The following AHR variants were observed in gnomAD, a reference collection of about 807,000 sequenced individuals.
AHR encodes the protein AH-receptor.
Under a neutral mutation model 86.8 loss-of-function variants are expected in AHR, and 40 were observed. The ratio of observed to expected loss-of-function variants is 0.46; its 90% CI spans 0.36 to 0.60. The LOEUF (loss-of-function observed/expected upper bound fraction) is 0.60, where lower values mean the gene tolerates loss of function less well. AHR is among the 20% of genes least tolerant of loss of function. AHR has a pLI of 0.00. For synonymous variants in AHR, 398 were observed against 354.9 expected, an observed-to-expected ratio of 1.12 and a Z score of -1.37; for missense variants, 1,001 against 1,011.6, an observed-to-expected ratio of 0.99 and a Z score of 0.14.
intron 1 of AHR, among the ~76,000 whole-genome samples, chr7:17,308,042 C>G (rs1209620804): frequency 6.6e-6 from 1 of 152,152 alleles, no homozygotes; most frequent in African/African-American, 2.4e-5. Flanking sequence ...TCTTAGCACT[C>G]ACCGCCCTAA....
intron 6 of AHR, among the ~76,000 whole-genome samples, chr7:17,331,448 T>C (rs1005104408): frequency 6.6e-6 from 1 of 151,950 alleles, no homozygotes; most frequent in African/African-American, 2.4e-5. Context: ...AACTGTTCTT[T>C]AGGATATAGT....
At chr7:17,310,284 A>G (rs1433719066) in intron 2 of AHR, among the ~76,000 whole-genome samples, 161 bp downstream of exon 2, 2 of 152,218 alleles carry the variant, frequency 1.3e-5, no homozygotes, top group African/African-American at 4.8e-5. Flanking sequence ...TAAGTCTTAA[A>G]ATCAATTTTC....
At chr7:17,338,224 A>C (rs1367699036) in intron 9 of AHR, among the ~76,000 whole-genome samples, 2 of 151,172 alleles carry the variant, frequency 1.3e-5, no homozygotes, top group African/African-American at 4.8e-5. Context: ...AATCTATTGC[A>C]AAAATACAAA....
chr7:17,341,507 A>G (rs1782423347), intron 10 of AHR, among the ~76,000 whole-genome samples: 1 of 152,138 alleles, frequency 6.6e-6, no homozygotes, highest in Non-Finnish European at 1.5e-5. Flanking sequence ...GTAAATAACC[A>G]AATAATTCTA....
chr7:17,319,654 T>G (rs1049824178), intron 2 of AHR, among the ~76,000 whole-genome samples: 57 of 152,254 alleles, frequency 3.7e-4, no homozygotes, highest in African/African-American at 1.3e-3. Flanking sequence ...CTTGTGACAG[T>G]GTCTCATGTC....
Position 17,310,074 on chromosome 7 carries a change from A to G in AHR, c.204A>G (p.Ser68=), listed in dbSNP as rs767719360. The G allele has an allele frequency of 6.2e-7, 1 of 1,614,054 alleles. No homozygotes were observed. Among genetic ancestry groups the G allele is most frequent in the Non-Finnish European group, 8.5e-7 (1 of 1,179,956 alleles). Residue 68 remains serine, a synonymous_variant, in exon 2 of 11, where the codon TCA becomes TCG. Transcript: ENST00000242057. ...TTATTAATAAGTTGGACAAACTTTC[A>G]GTTCTTAGGCTCAGCGTCAGTTACC... The part of the protein sequence containing the change: ...QDVINKLDKL[S]VLRLSVSYLR...
intron 6 of AHR, among the ~76,000 whole-genome samples, chr7:17,333,041 T>G (rs1176925564): frequency 6.6e-6 from 1 of 152,006 alleles, no homozygotes; most frequent in Non-Finnish European, 1.5e-5. Context: ...AAGTATTCAG[T>G]ACGATAGCAT....
At position 17,339,294 on chromosome 7, in the gene AHR, T is replaced by A. The variant is rs749720773; in HGVS notation, c.1469T>A (p.Met490Lys). ...PFENNFFNES[M>K]NECRNWQDNT... is the part of the protein sequence containing the mutation. ...GAAAACAACTTTTTCAACGAATCTA[T>A]GAATGAATGCAGAAATTGGCAAGAT... The change falls in exon 10 of 11, where the codon ATG (methionine) becomes AAG (lysine). Residue 490 changes from methionine to lysine, a missense_variant. Physicochemically the swap from Met to Lys is moderately conservative, Grantham distance 95 (BLOSUM62 -1). Coordinates refer to ENST00000242057, the MANE Select transcript of AHR (RefSeq NM_001621.5). The A allele has an allele frequency of 5.6e-6, 9 of 1,614,152 alleles. No homozygotes were observed. In the South Asian group the frequency reaches 8.8e-5, roughly 16 times the overall value.
chr7:17,338,744 G>C (rs888874921), intron 9 of AHR, among the ~76,000 whole-genome samples: 1 of 151,868 alleles, frequency 6.6e-6, no homozygotes, highest in Non-Finnish European at 1.5e-5. Flanking sequence ...TGTCAGGTAG[G>C]GATGTAACCT....
intron 7 of AHR, 61 bp downstream of exon 7, chr7:17,334,175 CTT>C (rs757735788): frequency 2.8e-6 from 4 of 1,425,816 alleles, no homozygotes; most frequent in Non-Finnish European, 2.9e-6. Context: ...GTAAGTCTCT[CTT>C]AGCATGTAAA....
chr7:17,327,506 TGAA>T (rs1782241571), intron 3 of AHR, among the ~76,000 whole-genome samples: 3 of 151,936 alleles, frequency 2.0e-5, no homozygotes, highest in African/African-American at 2.4e-5. Flanking sequence ...ATCTGAAACA[TGAA>T]GAAGATGAAT....
chr7:17,343,520 G>T lies in AHR; in HGVS notation c.*456G>T. ...AGTTTTTCCTATCATGTTAACCTCT[G>T]CTTTTATCTCAGATGTTAAAATAAA... On this transcript the variant is annotated 3_prime_UTR_variant, in exon 11 of 11. Transcript: ENST00000242057. 1 of 158,300 alleles carries T rather than the reference G, an allele frequency of 6.3e-6. No individual in the cohort carries two copies. The highest frequency in any genetic ancestry group is 6.5e-5 in the Admixed American group (1 of 15,356). The allele number at this position is 158,300 out of a possible 1,614,324, so 9.8% of individuals were successfully genotyped here.
chr7:17,332,252 A>G (rs574092201), intron 6 of AHR, among the ~76,000 whole-genome samples: 2 of 151,940 alleles, frequency 1.3e-5, no homozygotes, highest in African/African-American at 2.4e-5. Flanking sequence ...ATAAATCACT[A>G]TGTATTTACT....
intron 2 of AHR, among the ~76,000 whole-genome samples, chr7:17,310,604 G>C (rs1303700234): frequency 6.8e-6 from 1 of 147,906 alleles, no homozygotes. Context: ...ACACGATCTT[G>C]GCTCACTGCA....
chr7:17,338,031 C>T (rs1029058564), intron 9 of AHR, among the ~76,000 whole-genome samples: 6 of 151,218 alleles, frequency 4.0e-5, no homozygotes, highest in Admixed American at 3.3e-4. Flanking sequence ...AACCCCGTCT[C>T]TACTAAAAAT....
chr7:17,322,365 T>C, intron 2 of AHR, 136 bp from the exon 3 acceptor site: 2 of 624,250 alleles, frequency 3.2e-6, no homozygotes, highest in Non-Finnish European at 5.7e-6. Flanking sequence ...TTATTTACCT[T>C]GTTTTAGCCA....
chr7:17,339,187 T>C lies in AHR; in HGVS notation c.1362T>C (p.Ser454=). 2 of 1,614,172 alleles carry C rather than the reference T, an allele frequency of 1.2e-6. No individual in the cohort carries two copies. Among genetic ancestry groups the C allele is most frequent in the South Asian group, 2.2e-5 (2 of 91,084 alleles). ...STLSKDSLNP[S]SLLAAMMQQD... ...TAAGCAAGGACTCTCTCAATCCTAG[T>C]TCCCTCCTGGCTGCCATGATGCAAC... The change falls in exon 10 of 11, where the codon AGT becomes AGC. Residue 454 remains serine, a synonymous_variant. Transcript: ENST00000242057.
chr7:17,337,298 C>T (rs1161786154), intron 9 of AHR, among the ~76,000 whole-genome samples: 1 of 151,922 alleles, frequency 6.6e-6, no homozygotes, highest in East Asian at 1.9e-4. Context: ...CCATGTAATC[C>T]TATGAAGAAT....
At position 17,299,095 on chromosome 7, in the gene AHR, C is replaced by T. The variant is rs1387615142; in HGVS notation, c.-170C>T. ...GCGGGCTGCGGAAGCCTGCGTGAGCCGAGGCGTTGAGGCGCGGCGCCCACG... is the reference window on the plus strand; with the variant it reads ...GCGGGCTGCGGAAGCCTGCGTGAGCTGAGGCGTTGAGGCGCGGCGCCCACG... On this transcript the variant is annotated 5_prime_UTR_variant, in exon 1 of 11. Transcript: ENST00000242057. 1.6e-6 allele frequency: 1 copy of T among 644,994 alleles called. No homozygotes were observed. Among genetic ancestry groups the T allele is most frequent in the Non-Finnish European group, 2.4e-6 (1 of 410,638 alleles). The allele number at this position is 644,994 out of a possible 1,614,324, so 40.0% of individuals were successfully genotyped here.
Sources: allele counts gnomAD v4.1 joint callset (sites outside exome capture counted in the v4.1 genomes callset), GRCh38; gene constraint gnomAD v4.1.1; transcripts MANE v1.5; gene names NCBI Gene and HGNC (gene_info 2026-07-23, HGNC 2026-07-21).